Variants in MEP1B observed in about 807,000 individuals in gnomAD.
MEP1B encodes meprin A subunit beta, also known as N-benzoyl-L-tyrosyl-P-amino-benzoic acid hydrolase subunit beta.
Under a neutral mutation model 84.6 loss-of-function variants are expected in MEP1B, and 80 were observed. The ratio of observed to expected loss-of-function variants is 0.95; its 90% CI spans 0.79 to 1.14. The LOEUF is 1.14. Among genes scored for constraint, MEP1B ranks in the 50% most tolerant of loss-of-function variants. The pLI, the probability that MEP1B is intolerant of heterozygous loss-of-function variation, is 0.00. For missense variants in MEP1B, 766 were observed against 855.1 expected (o/e 0.90, Z 1.30); for synonymous variants, 273 against 288.1 (o/e 0.95, Z 0.53).
In MEP1B at chr18:32,217,956, T is replaced by G; in HGVS notation, c.2082T>G (p.Thr694=). The G allele has an allele frequency of 6.2e-7, 1 of 1,613,802 alleles. No individual in the cohort carries two copies. Among genetic ancestry groups the G allele is most frequent in the Non-Finnish European group, 8.5e-7 (1 of 1,179,782 alleles). The change falls in exon 14 of 15, where the codon ACT becomes ACG. Residue 694 remains threonine (T), a synonymous_variant. Transcript: ENST00000269202. ...ERMSSNRPNL[T]PQNQHAF is the part of the protein sequence containing the mutation. ...TGAGCTCAAATCGACCAAATTTGAC[T>G]CCGCAAAATGTAAGTTGAGGCTGAT...
chr18:32,191,473 C>G (rs1445716244), intron 1 of MEP1B, among the ~76,000 whole-genome samples: 2 of 151,916 alleles, frequency 1.3e-5, no homozygotes, highest in Non-Finnish European at 2.9e-5. Flanking sequence ...GTTTTTCAAA[C>G]ATTGCTCCAT....
At position 32,207,422 on chromosome 18, in the gene MEP1B, G is replaced by T. The variant is rs2040977232; in HGVS notation, c.718G>T (p.Asp240Tyr). The change falls in exon 8 of 15, where the codon GAT becomes TAT. Residue 240 changes from aspartate to tyrosine, a missense_variant. By Grantham distance (160) the Asp-to-Tyr change is radical (BLOSUM62 -3). Transcript: ENST00000269202. ...DFEDVIGQRM[D>Y]FSDSDLLKLN... ...TGAGGATGTGATCGGCCAACGAATG[G>T]ATTTCAGTGACTCTGATCTCCTAAA... 1 of 1,613,020 alleles carries T rather than the reference G, an allele frequency of 6.2e-7. No homozygotes were observed. The highest frequency in any genetic ancestry group is 8.5e-7 in the Non-Finnish European group (1 of 1,179,548).
At chr18:32,211,785 C>G (rs535733372) in intron 10 of MEP1B, among the ~76,000 whole-genome samples, 1 of 152,152 alleles carries the variant, frequency 6.6e-6, no homozygotes, top group African/African-American at 2.4e-5. Context: ...ATATTACTGT[C>G]TATTCCACCT....
chr18:32,201,554 A>G (rs911480676), intron 5 of MEP1B, among the ~76,000 whole-genome samples: 2 of 152,330 alleles, frequency 1.3e-5, no homozygotes, highest in Admixed American at 6.5e-5. Context: ...TTTTGATGAC[A>G]TAATATTTAG....
At chr18:32,214,026 G>A (rs1034385441) in intron 11 of MEP1B, among the ~76,000 whole-genome samples, 3 of 152,170 alleles carry the variant, frequency 2.0e-5, no homozygotes, top group African/African-American at 7.2e-5. Context: ...GCCTGCGGTG[G>A]AGAGGCCCTC....
chr18:32,213,848 G>A (rs960286328), intron 11 of MEP1B, among the ~76,000 whole-genome samples: 6 of 152,174 alleles, frequency 3.9e-5, no homozygotes, highest in Non-Finnish European at 5.9e-5. Context: ...TTTAGAGTCT[G>A]ACATGCCTGA....
In MEP1B at chr18:32,196,434, G is replaced by T; in HGVS notation, c.250+949G>T. On this transcript the variant is annotated intron_variant, in intron 5 of 14. Transcript: ENST00000269202. The surrounding 1 kb of genome is among the most constrained non-coding windows in gnomAD (Gnocchi z 4.4). ...CCTCGCCCAGCTGGGTCTTACAGAG[G>T]GTGTGCAGCCAGCCCTTCCTTCTGG... 1 of 694,600 alleles carries T rather than the reference G, an allele frequency of 1.4e-6. No homozygotes were observed. Among genetic ancestry groups the T allele is most frequent in the African/African-American group, 1.8e-5 (1 of 57,088 alleles). 43.0% of individuals were successfully genotyped at this position (694,600 alleles called of 1,614,324 possible). A position where few individuals can be genotyped will look rare whatever the true frequency, so the allele number is the denominator to read the frequency against.
At position 32,202,980 on chromosome 18, in the gene MEP1B, C is replaced by G. The variant is rs202055696; in HGVS notation, c.338C>G (p.Thr113Arg). 214 of 1,610,982 alleles carry G rather than the reference C, an allele frequency of 1.3e-4. No homozygotes were observed. Among genetic ancestry groups the G allele is most frequent in the Non-Finnish European group, 5.2e-5 (61 of 1,178,158 alleles). The change falls in exon 6 of 15, where the codon ACA becomes AGA. Residue 113 changes from threonine to arginine, a missense_variant. By Grantham distance (71) the Thr-to-Arg change is moderately conservative. Coordinates refer to ENST00000269202, the MANE Select transcript of MEP1B (RefSeq NM_005925.3). ...GACTTTAAGCCTTGGGCTGGAGAAA[C>G]AAACTATATATCAGTGTTCAAGGGC... ...CIDFKPWAGE[T>R]NYISVFKGSG... is the part of the protein sequence containing the mutation.
At chr18:32,209,693 C>T (rs1470380888) in intron 9 of MEP1B, among the ~76,000 whole-genome samples, 1 of 56,082 alleles carries the variant, frequency 1.8e-5, no homozygotes, top group Non-Finnish European at 3.2e-5. Flanking sequence ...TGAATCTCCC[C>T]AGATGGTTGC....
chr18:32,217,654 G>T, intron 13 of MEP1B, 107 bp from the exon 14 acceptor site: 2 of 886,434 alleles, frequency 2.3e-6, no homozygotes, highest in South Asian at 2.9e-5. Context: ...ATATAGCAAT[G>T]ACCTATTGGT....
intron 5 of MEP1B, among the ~76,000 whole-genome samples, chr18:32,201,031 T>C (rs2040906339): frequency 6.6e-6 from 1 of 152,142 alleles, no homozygotes; most frequent in Non-Finnish European, 1.5e-5. Flanking sequence ...AATAAAGGCA[T>C]ATGGAAAACA....
Position 32,208,101 on chromosome 18 carries a change from G to A in MEP1B, c.767-18G>A, listed in dbSNP as rs370262667. ...TCATGTTGTATGAGTGTCAATAATT[G>A]TTTTTTGCTTTTTGTAGCCTCTTCC... On this transcript the variant is annotated intron_variant, in intron 8 of 14. Coordinates refer to ENST00000269202, the MANE Select transcript of MEP1B (RefSeq NM_005925.3). 6.2e-7 allele frequency: 1 copy of A among 1,612,012 alleles called. No individual in the cohort carries two copies. Among genetic ancestry groups the A allele is most frequent in the Non-Finnish European group, 8.5e-7 (1 of 1,178,564 alleles).
At position 32,220,398 on chromosome 18, in the gene MEP1B, A is replaced by C. The variant is rs941885278; in HGVS notation, c.*153A>C. The C allele has an allele frequency of 1.4e-6, 1 of 717,294 alleles. No homozygotes were observed. The highest frequency in any genetic ancestry group is 1.8e-5 in the African/African-American group (1 of 56,092). The allele number at this position is 717,294 out of a possible 1,614,324, so 44.4% of individuals were successfully genotyped here. On this transcript the variant is annotated 3_prime_UTR_variant, in exon 15 of 15. Coordinates refer to ENST00000269202, the MANE Select transcript of MEP1B (RefSeq NM_005925.3). Reference sequence around the variant, plus strand: ...TATTATAAATCACTATTTTGGTCAAAGTCAAATTGGTGAAATGCTGTTTGT... The same window carrying C: ...TATTATAAATCACTATTTTGGTCAACGTCAAATTGGTGAAATGCTGTTTGT...
At chr18:32,208,322 A>C (rs958427210) in intron 9 of MEP1B, 51 bp downstream of exon 9, 27 of 1,447,162 alleles carry the variant, frequency 1.9e-5, no homozygotes, top group African/African-American at 1.4e-4. Flanking sequence ...CTACAGCCAC[A>C]TACTTCTCTA....
Position 32,210,722 on chromosome 18 carries a change from A to G in MEP1B, c.1135+6A>G, listed in dbSNP as rs1329106040. 5 of 1,607,396 alleles carry G rather than the reference A, an allele frequency of 3.1e-6. No homozygotes were observed. Among genetic ancestry groups the G allele is most frequent in the Non-Finnish European group, 4.3e-6 (5 of 1,174,764 alleles). On this transcript the variant is annotated splice_donor_region_variant and intron_variant, in intron 10 of 14. Transcript: ENST00000269202. The stretch of plus-strand genomic sequence containing the variant: ...CCTTGTGGAAGAAATAAAAGGTACA[A>G]TGTCAACATCCTTATTGTCTGGATT...
Position 32,208,207 on chromosome 18 carries a change from G to A in MEP1B, c.855G>A (p.Trp285Ter), listed in dbSNP as rs200474192. The A allele has an allele frequency of 3.8e-4, 618 of 1,613,842 alleles. 3 individuals carry two copies. Among genetic ancestry groups the A allele is most frequent in the Non-Finnish European group, 6.7e-5 (79 of 1,179,898 alleles). Reference sequence around the variant, plus strand: ...AAAGTTCAGGAGATAATGCTGACTGGCAACGGGTTTCACAGGTTCCCAGGG... The same window carrying A: ...AAAGTTCAGGAGATAATGCTGACTGACAACGGGTTTCACAGGTTCCCAGGG... ...MIQSSGDNADWQRVSQVPRGP... is the reference protein window; with the variant it reads ...MIQSSGDNAD The change falls in exon 9 of 15, where the codon TGG (tryptophan) becomes TGA (stop). Residue 285 changes from tryptophan to a stop codon, truncating the protein, a stop_gained. Coordinates refer to ENST00000269202, the MANE Select transcript of MEP1B (RefSeq NM_005925.3). LOFTEE classifies it high-confidence loss of function.
chr18:32,219,086 A>T (rs972473192), intron 14 of MEP1B, among the ~76,000 whole-genome samples: 1 of 152,242 alleles, frequency 6.6e-6, no homozygotes, highest in African/African-American at 2.4e-5. Context: ...GTCAGAAAAA[A>T]TGCCCAATTA....
chr18:32,204,743 G>A (rs2040947425), intron 7 of MEP1B, among the ~76,000 whole-genome samples: 7 of 152,096 alleles, frequency 4.6e-5, no homozygotes, highest in Admixed American at 4.6e-4. Context: ...TCATTGTTCT[G>A]GTGGCTGGAA....
chr18:32,203,667 G>C (rs779640042), intron 6 of MEP1B, among the ~76,000 whole-genome samples: 6 of 152,060 alleles, frequency 3.9e-5, no homozygotes, highest in African/African-American at 1.2e-4. Flanking sequence ...CCAGGGACTC[G>C]GTAATTTATA....
Sources: allele counts gnomAD v4.1 joint callset (sites outside exome capture counted in the v4.1 genomes callset), GRCh38; gene constraint gnomAD v4.1.1; non-coding constraint Gnocchi (gnomAD v3.1); transcripts MANE v1.5; gene names NCBI Gene and HGNC (gene_info 2026-07-23, HGNC 2026-07-21).